CACNA2D3: variants seen among roughly 807,000 people sequenced by gnomAD.
CACNA2D3 encodes the protein voltage-dependent calcium channel subunit alpha-2/delta-3.
A neutral mutation model predicts 160.6 loss-of-function variants in CACNA2D3; 60 were observed. The ratio of observed to expected loss-of-function variants is 0.37; its 90% CI spans 0.30 to 0.46. The LOEUF (loss-of-function observed/expected upper bound fraction) is 0.46. CACNA2D3 is among the 20% of genes least tolerant of loss of function. CACNA2D3 has a pLI of 1.00. For synonymous variants in CACNA2D3, 558 were observed against 492.9 expected (o/e 1.13, Z -1.75); for missense variants, 1,205 against 1,365.0 (o/e 0.88, Z 1.85).
intron 8 of CACNA2D3, among the ~76,000 whole-genome samples, chr3:54,575,222 A>C (rs2106728580): frequency 6.6e-6 from 1 of 152,334 alleles, no homozygotes; most frequent in African/African-American, 2.4e-5. Context: ...AAACTGTAAA[A>C]ATATTTAATG....
intron 27 of CACNA2D3, among the ~76,000 whole-genome samples, chr3:54,942,514 T>C (rs1341715767): frequency 6.6e-6 from 1 of 152,220 alleles, no homozygotes. Context: ...TCTCTATTTC[T>C]AAGTAACTTG....
At chr3:54,797,904 A>G (rs1489671244) in intron 13 of CACNA2D3, among the ~76,000 whole-genome samples, 13 of 152,224 alleles carry the variant, frequency 8.5e-5, no homozygotes, top group Admixed American at 2.0e-4. Flanking sequence ...AAAAATAAGT[A>G]AGCCAAATAA....
chr3:54,829,965 G>C (rs1375777420), intron 14 of CACNA2D3, among the ~76,000 whole-genome samples: 1 of 127,034 alleles, frequency 7.9e-6, no homozygotes, highest in Non-Finnish European at 1.6e-5. Context: ...CAAGATCTCA[G>C]GTCACTGCAA....
intron 35 of CACNA2D3, among the ~76,000 whole-genome samples, chr3:55,025,543 A>G (rs1380417309): frequency 1.3e-5 from 2 of 151,484 alleles, no homozygotes; most frequent in Admixed American, 6.6e-5. Flanking sequence ...CTGAGGCACA[A>G]GAATTGCTTG....
intron 2 of CACNA2D3, among the ~76,000 whole-genome samples, chr3:54,227,055 A>T (rs1051856159): frequency 3.3e-5 from 5 of 152,202 alleles, no homozygotes; most frequent in African/African-American, 9.6e-5. Context: ...ACACAGAATG[A>T]ATCTCCTTTG....
rs571087741 is a variant in CACNA2D3 at position 54,560,968 on chromosome 3, T to C, written c.545-1832T>C. 4.6e-5 allele frequency among the ~76,000 whole-genome samples: 7 copies of C among 152,376 alleles called. No homozygotes were observed. In the South Asian group the frequency reaches 1.4e-3, roughly 32 times the overall value. Reference sequence around the variant, plus strand: ...TCTCATACCAGTACCACTGCTGTTTTGGTTACTGTAGCCCTGTAGTATAGT... The same window carrying C: ...TCTCATACCAGTACCACTGCTGTTTCGGTTACTGTAGCCCTGTAGTATAGT... On this transcript the variant is annotated intron_variant, in intron 5 of 37. Transcript: ENST00000474759.
At chr3:54,556,549 GT>G (rs1448122208) in intron 5 of CACNA2D3, among the ~76,000 whole-genome samples, 24 of 152,262 alleles carry the variant, frequency 1.6e-4, no homozygotes, top group African/African-American at 5.3e-4. Context: ...AAGCCATCCA[GT>G]TTGCAGTATT....
At chr3:54,155,013 T>C (rs2107288314) in intron 2 of CACNA2D3, among the ~76,000 whole-genome samples, 1 of 152,368 alleles carries the variant, frequency 6.6e-6, no homozygotes, top group East Asian at 1.9e-4. Context: ...CAAACCATTA[T>C]CACCTTCCAT....
chr3:54,851,281 G>A (rs1288530922), intron 17 of CACNA2D3, among the ~76,000 whole-genome samples: 5 of 152,220 alleles, frequency 3.3e-5, no homozygotes, highest in Admixed American at 1.3e-4. Context: ...AAGGGGAGGG[G>A]AGGTCCAGGT....
intron 9 of CACNA2D3, among the ~76,000 whole-genome samples, chr3:54,598,053 G>A (rs538368480): frequency 6.6e-6 from 1 of 151,924 alleles, no homozygotes; most frequent in East Asian, 1.9e-4. Flanking sequence ...ACTTTGGGAA[G>A]CCCAGGTGGG....
At chr3:54,677,627 G>T (rs1029258184) in intron 11 of CACNA2D3, among the ~76,000 whole-genome samples, 3 of 148,368 alleles carry the variant, frequency 2.0e-5, no homozygotes, top group Non-Finnish European at 3.0e-5. Flanking sequence ...TTTTGGGGGG[G>T]GGGCAACGTA....
chr3:54,645,685 G>A (rs934675000), intron 11 of CACNA2D3, among the ~76,000 whole-genome samples: 3 of 152,260 alleles, frequency 2.0e-5, no homozygotes, highest in Middle Eastern at 3.4e-3. Flanking sequence ...GGTTTGCCCG[G>A]AGCCTTCCCT....
intron 14 of CACNA2D3, 56 bp from the exon 15 acceptor site, chr3:54,837,103 C>T: frequency 6.7e-7 from 1 of 1,502,412 alleles, no homozygotes; most frequent in Non-Finnish European, 9.3e-7. Flanking sequence ...GGGGTGGCCT[C>T]CAGAACTGTG....
intron 9 of CACNA2D3, among the ~76,000 whole-genome samples, chr3:54,624,265 G>A (rs1228304994): frequency 6.6e-6 from 1 of 152,180 alleles, no homozygotes; most frequent in African/African-American, 2.4e-5. Context: ...ACCATTGCCT[G>A]AAGTGCCACA....
chr3:54,732,249 C>G (rs1701405839), intron 11 of CACNA2D3, among the ~76,000 whole-genome samples: 1 of 152,240 alleles, frequency 6.6e-6, no homozygotes, highest in African/African-American at 2.4e-5. Context: ...TTCAGGACGA[C>G]AAAGAGAACA....
intron 8 of CACNA2D3, among the ~76,000 whole-genome samples, chr3:54,576,066 A>G (rs1702576324): frequency 6.6e-6 from 1 of 152,192 alleles, no homozygotes; most frequent in Non-Finnish European, 1.5e-5. Context: ...ATGGAGACCC[A>G]CAGAAATGAG....
intron 25 of CACNA2D3, chr3:54,894,728 C>T (rs1700146768): frequency 2.2e-6 from 1 of 464,578 alleles, no homozygotes. Context: ...TCACACCGTC[C>T]AGGTCAGGTT....
Position 54,578,122 on chromosome 3 carries a change from GCA to G in CACNA2D3, c.889-3680_889-3679del, listed in dbSNP as rs1702616858. ...TTTGCAAGAAGGACTAACCACTTGG[GCA>G]GAAAGGGGAAAGTTTAAGTACGTCT... On this transcript the variant is annotated intron_variant, in intron 8 of 37. Transcript: ENST00000474759. Among the ~76,000 whole-genome samples the G allele has an allele frequency of 2.0e-5, 3 of 152,300 alleles. No homozygotes were observed. The South Asian group carries it at 6.2e-4, about 32-fold the overall frequency.
chr3:54,947,855 T>C (rs1016728551), intron 27 of CACNA2D3, among the ~76,000 whole-genome samples: 2 of 152,146 alleles, frequency 1.3e-5, no homozygotes, highest in Non-Finnish European at 2.9e-5. Context: ...TCTCTAGCAC[T>C]CACTAGGGAG....
Sources: gnomAD v4.1 joint callset for allele counts (sites outside exome capture counted in the v4.1 genomes callset) on GRCh38, gnomAD v4.1.1 for gene constraint, MANE v1.5 for transcripts, NCBI Gene and HGNC (gene_info 2026-07-23, HGNC 2026-07-21) for gene names.